UPRT: variants seen among roughly 807,000 people sequenced by gnomAD.
The protein encoded by UPRT is uracil phosphoribosyltransferase homolog, also known as RP11-311P8.3.
Under a neutral mutation model 22.6 loss-of-function variants are expected in UPRT, and 5 were observed. The ratio of observed to expected loss-of-function variants is 0.22; its 90% CI spans 0.12 to 0.47. The LOEUF (loss-of-function observed/expected upper bound fraction) is 0.47, where lower values mean the gene tolerates loss of function less well. Among genes scored for constraint, UPRT ranks in the 20% least tolerant of loss-of-function variants. The pLI, the probability that UPRT is intolerant of heterozygous loss-of-function variation, is 0.99. For synonymous variants in UPRT, 77 were observed against 87.7 expected (o/e 0.88, Z 0.68); for missense variants, 181 against 239.9 (o/e 0.75, Z 1.62).
intron 4 of UPRT, among the ~76,000 whole-genome samples, chrX:75,253,102 T>C (rs1187740968): frequency 4.5e-5 from 5 of 110,367 alleles, no homozygotes. Flanking sequence ...AAATGATGAG[T>C]TAATGGGTGC....
intron 4 of UPRT, among the ~76,000 whole-genome samples, chrX:75,184,832 GGTGT>G (rs1355856224): frequency 1.8e-5 from 2 of 111,231 alleles, no homozygotes; most frequent in Non-Finnish European, 3.8e-5. Flanking sequence ...GTCTGTTGTT[GGTGT>G]GTAAGAATGC....
At chrX:75,194,456 C>A (rs1430082078) in intron 4 of UPRT, among the ~76,000 whole-genome samples, 8 of 111,494 alleles carry the variant, frequency 7.2e-5, no homozygotes, top group African/African-American at 2.6e-4. Context: ...ACAACAGAGG[C>A]AGCACAGCAG....
At chrX:75,298,156 ATTT>A (rs1248674270) in intron 4 of UPRT, among the ~76,000 whole-genome samples, 1 of 97,233 alleles carries the variant, frequency 1.0e-5, no homozygotes. Context: ...TTAAAAAACA[ATTT>A]TTTTTTTTTT....
intron 4 of UPRT, among the ~76,000 whole-genome samples, chrX:75,221,461 T>A (rs181513865): frequency 9.0e-6 from 1 of 111,403 alleles, no homozygotes; most frequent in East Asian, 2.8e-4. Context: ...CTATTATATT[T>A]CCCCCTTTGA....
At chrX:75,187,338 T>G (rs1432185492) in intron 4 of UPRT, among the ~76,000 whole-genome samples, 5 of 111,762 alleles carry the variant, frequency 4.5e-5, no homozygotes, top group Non-Finnish European at 9.4e-5. Context: ...TTTAAGAATG[T>G]TGAATATTGG....
At chrX:75,254,698 A>C (rs752712678) in intron 4 of UPRT, among the ~76,000 whole-genome samples, 1 of 111,467 alleles carries the variant, frequency 9.0e-6, no homozygotes, top group African/African-American at 3.3e-5. Context: ...AATTCGCCTC[A>C]AAAAGATCAT....
intron 4 of UPRT, among the ~76,000 whole-genome samples, chrX:75,188,637 A>C (rs760357556): frequency 8.9e-6 from 1 of 112,082 alleles, no homozygotes; most frequent in East Asian, 2.8e-4. Flanking sequence ...TGCCACCTTG[A>C]AGTTTGATCT....
intron 4 of UPRT, among the ~76,000 whole-genome samples, chrX:75,200,561 C>T (rs769384597): frequency 8.9e-6 from 1 of 112,136 alleles, no homozygotes; most frequent in African/African-American, 3.2e-5. Flanking sequence ...GTCACCGCAC[C>T]CCAGCCTTGG....
At chrX:75,220,666 T>TA (rs1482290556) in intron 4 of UPRT, among the ~76,000 whole-genome samples, 1 of 112,008 alleles carries the variant, frequency 8.9e-6, no homozygotes, top group Non-Finnish European at 1.9e-5. Context: ...ACTGATTGCA[T>TA]AAAAAATTAA....
Position 75,189,880 on chromosome X carries a change from G to T in UPRT, c.-447+22001G>T, listed in dbSNP as rs1443907982. 5.4e-5 allele frequency among the ~76,000 whole-genome samples: 6 copies of T among 111,646 alleles called. No individual in the cohort carries two copies. In the East Asian group the frequency reaches 1.7e-3, roughly 31 times the overall value. ...TTTGAGCCTATGTGTGTCTCTGCAC[G>T]TGAGATGCATCTCCTGCATATAGCA... On this transcript the variant is annotated intron_variant, in intron 4 of 13. Coordinates refer to the UPRT transcript ENST00000652605.
intron 2 of UPRT, 90 bp from the exon 3 acceptor site, chrX:75,296,252 A>C (rs1257673904): frequency 2.2e-6 from 2 of 926,488 alleles, no homozygotes. Flanking sequence ...TAGTGTGTTC[A>C]TGACTCTGCC....
intron 4 of UPRT, among the ~76,000 whole-genome samples, chrX:75,242,598 G>C (rs994245242): frequency 2.9e-5 from 2 of 68,702 alleles, no homozygotes; most frequent in Non-Finnish European, 5.9e-5. Flanking sequence ...CTTACTGCTT[G>C]TATGCCATTA....
intron 4 of UPRT, among the ~76,000 whole-genome samples, chrX:75,185,932 G>C (rs5981793): frequency 0.029 from 3,187 of 110,489 alleles, 117 homozygotes; most frequent in African/African-American, 0.1. Flanking sequence ...ATTAGTCTTG[G>C]TAGCGGTCTA....
At chrX:75,248,354 A>G (rs1009966416) in intron 4 of UPRT, among the ~76,000 whole-genome samples, 3 of 111,974 alleles carry the variant, frequency 2.7e-5, no homozygotes, top group African/African-American at 6.5e-5. Context: ...CAGTGTAAAG[A>G]AGTCCTTAAA....
At chrX:75,266,773 T>G (rs1465578614) in intron 4 of UPRT, among the ~76,000 whole-genome samples, 2 of 110,124 alleles carry the variant, frequency 1.8e-5, no homozygotes, top group Admixed American at 9.7e-5. Context: ...AAAAAGTGGG[T>G]GAAGAATATG....
Position 75,304,465 on chromosome X carries a change from C to G in UPRT, c.*954C>G, listed in dbSNP as rs987584157. 1 of 111,524 alleles carries G rather than the reference C, an allele frequency of 9.0e-6. No individual in the cohort carries two copies. The highest frequency in any genetic ancestry group is 1.9e-5 in the Non-Finnish European group (1 of 53,090). 9.2% of individuals were successfully genotyped at this position (111,524 alleles called of 1,213,427 possible). ...AAAAACCATGCTTTTTGTAAAAACC[C>G]CTAAGATTTGTATATGTTCATCTTT... On this transcript the variant is annotated 3_prime_UTR_variant, in exon 7 of 7. Coordinates refer to ENST00000373383, the MANE Select transcript of UPRT (RefSeq NM_145052.4).
intron 4 of UPRT, among the ~76,000 whole-genome samples, chrX:75,196,517 T>C (rs1171425532): frequency 1.8e-5 from 2 of 112,100 alleles, no homozygotes; most frequent in Non-Finnish European, 3.8e-5. Context: ...TAATAATGGA[T>C]AGATGCATCA....
chrX:75,172,666 G>A (rs1477152509), intron 4 of UPRT, among the ~76,000 whole-genome samples: 3 of 110,957 alleles, frequency 2.7e-5, no homozygotes, highest in African/African-American at 6.6e-5. Context: ...AGATGTGTTC[G>A]GAGTTTCTTC....
chrX:75,268,100 C>G (rs1294021601), intron 4 of UPRT, among the ~76,000 whole-genome samples: 7 of 111,653 alleles, frequency 6.3e-5, no homozygotes, highest in Non-Finnish European at 1.3e-4. Context: ...CACAGAAATA[C>G]AAATGACCAT....
Sources: gnomAD v4.1 joint callset for allele counts (sites outside exome capture counted in the v4.1 genomes callset) on GRCh38, gnomAD v4.1.1 for gene constraint, MANE v1.5 for transcripts, NCBI Gene and HGNC (gene_info 2026-07-23, HGNC 2026-07-21) for gene names.